The following SLC16A2 variants were observed in gnomAD, a reference collection of about 807,000 sequenced individuals.
SLC16A2 encodes solute carrier family 16 member 2.
In SLC16A2, 3 loss-of-function variants were observed where a neutral mutation model predicts 27.2. The observed-to-expected ratio is 0.11, with a 90% CI of 0.05 to 0.28. The LOEUF (loss-of-function observed/expected upper bound fraction) is 0.28, where lower values mean the gene tolerates loss of function less well. Ranked by LOEUF, SLC16A2 falls within the 10% of genes least tolerant of loss-of-function variation. The probability of loss-of-function intolerance (pLI) is 1.00; values close to 1 mark genes in which losing one functional copy is unlikely to be tolerated. For missense variants in SLC16A2, 295 were observed against 458.5 expected, an observed-to-expected ratio of 0.64 and a Z score of 3.26; for synonymous variants, 202 against 187.8, an observed-to-expected ratio of 1.08 and a Z score of -0.62.
At chrX:74,434,821 T>TC (rs1182006692) in intron 1 of SLC16A2, among the ~76,000 whole-genome samples, 2 of 104,826 alleles carry the variant, frequency 1.9e-5, no homozygotes, top group East Asian at 3.0e-4. Context: ...AGTTTGTTTT[T>TC]TTTTTTTTTT....
chrX:74,494,405 T>C (rs1476449097), intron 1 of SLC16A2, among the ~76,000 whole-genome samples: 1 of 111,435 alleles, frequency 9.0e-6, no homozygotes, highest in African/African-American at 3.3e-5. Flanking sequence ...TATTTCAATA[T>C]GGAGCTCTGA....
chrX:74,505,409 A>T (rs1930107166), intron 1 of SLC16A2, among the ~76,000 whole-genome samples: 1 of 112,322 alleles, frequency 8.9e-6, no homozygotes, highest in Non-Finnish European at 1.9e-5. Flanking sequence ...GGCATTTTAG[A>T]TTGAAAAATG....
chrX:74,445,428 A>G (rs1284491633), intron 1 of SLC16A2, among the ~76,000 whole-genome samples: 1 of 109,200 alleles, frequency 9.2e-6, no homozygotes, highest in Non-Finnish European at 1.9e-5. Flanking sequence ...ATTTCACTAT[A>G]TATAGCACAT....
chrX:74,500,919 TAA>T (rs778359668), intron 1 of SLC16A2, among the ~76,000 whole-genome samples: 1 of 110,441 alleles, frequency 9.1e-6, no homozygotes, highest in East Asian at 2.9e-4. Context: ...TTATTAAAAT[TAA>T]AAGTCCTTCT....
intron 1 of SLC16A2, among the ~76,000 whole-genome samples, chrX:74,466,821 C>G (rs1382958864): frequency 8.9e-6 from 1 of 112,327 alleles, no homozygotes; most frequent in African/African-American, 3.2e-5. Context: ...AATTAATTTA[C>G]CAACCTTGGT....
chrX:74,487,476 A>G (rs1273855106), intron 1 of SLC16A2, among the ~76,000 whole-genome samples: 1 of 111,836 alleles, frequency 8.9e-6, no homozygotes, highest in Non-Finnish European at 1.9e-5. Flanking sequence ...TACGCTGATC[A>G]TTCTCTCAGA....
intron 1 of SLC16A2, among the ~76,000 whole-genome samples, chrX:74,490,430 T>C (rs1929804821): frequency 1.8e-5 from 2 of 109,706 alleles, no homozygotes; most frequent in African/African-American, 6.6e-5. Flanking sequence ...TTGAAGTGGG[T>C]TGCTTGCAGG....
chrX:74,473,457 T>A (rs2147853053), intron 1 of SLC16A2: 1 of 543,167 alleles, frequency 1.8e-6, no homozygotes. Flanking sequence ...TATTTCTGAA[T>A]GACAGTCTTA....
At chrX:74,435,698 T>G (rs1329098884) in intron 1 of SLC16A2, among the ~76,000 whole-genome samples, 2 of 107,641 alleles carry the variant, frequency 1.9e-5, no homozygotes, top group African/African-American at 6.8e-5. Flanking sequence ...AGTGTATGGG[T>G]AAGAAGCAGT....
Position 74,487,074 on chromosome X carries a change from T to C in SLC16A2, c.431-33916T>C, listed in dbSNP as rs149008214. 8.9e-3 allele frequency among the ~76,000 whole-genome samples: 980 copies of C among 110,129 alleles called. 2 individuals are homozygous for C. Among genetic ancestry groups the C allele is most frequent in the Non-Finnish European group, 0.015 (792 of 52,744 alleles). ...TAACCTGTAGGTTTTTATGTTCTGG[T>C]CGCAGGAACTTTATTTATTTATTTA... is the stretch of plus-strand genomic sequence containing the variant. On this transcript the variant is annotated intron_variant, in intron 1 of 5. Transcript: ENST00000587091.
At chrX:74,427,982 C>G (rs1200026397) in intron 1 of SLC16A2, among the ~76,000 whole-genome samples, 1 of 111,340 alleles carries the variant, frequency 9.0e-6, no homozygotes, top group Non-Finnish European at 1.9e-5. Context: ...GACTAAGAAG[C>G]TTGCTAGGCG....
intron 1 of SLC16A2, among the ~76,000 whole-genome samples, chrX:74,449,309 A>C (rs1928895014): frequency 9.0e-6 from 1 of 111,576 alleles, no homozygotes; most frequent in African/African-American, 3.3e-5. Flanking sequence ...TTCTGTTCTA[A>C]TTGAGTGATG....
chrX:74,431,114 T>C (rs1928527954), intron 1 of SLC16A2, among the ~76,000 whole-genome samples: 1 of 112,640 alleles, frequency 8.9e-6, no homozygotes, highest in South Asian at 3.6e-4. Flanking sequence ...CATTACTGGG[T>C]ACATAGCCAA....
intron 1 of SLC16A2, chrX:74,473,342 C>A: frequency 3.7e-6 from 2 of 545,900 alleles, no homozygotes; most frequent in South Asian, 4.7e-5. Context: ...TGACCATGAT[C>A]AAAGTTTCCA....
intron 1 of SLC16A2, among the ~76,000 whole-genome samples, chrX:74,496,251 AACACACACACACACACACACACACGCAC>A (rs1390061860): frequency 3.1e-5 from 2 of 64,153 alleles, no homozygotes; most frequent in Non-Finnish European, 9.0e-5. Context: ...GAAGACAGAA[AACACACACACACACACACACACACGCAC>A]ACACACACAC....
chrX:74,533,274 A>C lies in SLC16A2; in HGVS notation c.*1721A>C, dbSNP rs761002239. 2.7e-5 allele frequency: 3 copies of C among 112,121 alleles called. No homozygotes were observed. Among genetic ancestry groups the C allele is most frequent in the African/African-American group, 9.8e-5 (3 of 30,700 alleles). The allele number at this position is 112,121 out of a possible 1,213,427, so 9.2% of individuals were successfully genotyped here. ...GCAGCTGGGGCATGGTTGGCCTCCAATGATTTCATTCAAGGCCAAAGTCCT... is the reference window on the plus strand; with the variant it reads ...GCAGCTGGGGCATGGTTGGCCTCCACTGATTTCATTCAAGGCCAAAGTCCT... On this transcript the variant is annotated 3_prime_UTR_variant, in exon 6 of 6. Transcript: ENST00000587091.
intron 1 of SLC16A2, chrX:74,476,975 G>A (rs1323389695): frequency 1.8e-5 from 2 of 111,988 alleles, no homozygotes; most frequent in Non-Finnish European, 3.8e-5. Context: ...TTTGGTATCA[G>A]AATGATGCTG....
At chrX:74,501,505 G>A (rs774488610) in intron 1 of SLC16A2, among the ~76,000 whole-genome samples, 1 of 111,434 alleles carries the variant, frequency 9.0e-6, no homozygotes, top group South Asian at 3.9e-4. Flanking sequence ...AGTTTCATGG[G>A]GAGGTTGTAG....
intron 1 of SLC16A2, among the ~76,000 whole-genome samples, chrX:74,435,281 T>C (rs759547558): frequency 1.7e-4 from 19 of 109,873 alleles, no homozygotes; most frequent in African/African-American, 5.6e-4. Flanking sequence ...TTGTGTTACT[T>C]AGGGAAAAGG....
Sources: gnomAD v4.1 joint callset for allele counts (sites outside exome capture counted in the v4.1 genomes callset) on GRCh38, gnomAD v4.1.1 for gene constraint, MANE v1.5 for transcripts, NCBI Gene and HGNC (gene_info 2026-07-23, HGNC 2026-07-21) for gene names.